GALNT11: variants seen among roughly 807,000 people sequenced by gnomAD.
GALNT11 encodes the protein UDP-GalNAc:polypeptide N-acetylgalactosaminyltransferase 11.
In GALNT11, 47 loss-of-function variants were observed where a neutral mutation model predicts 72.7. The ratio of observed to expected loss-of-function variants is 0.65; its 90% CI spans 0.51 to 0.82. The LOEUF (loss-of-function observed/expected upper bound fraction) is 0.82. GALNT11 is among the 40% of genes least tolerant of loss of function. The pLI is 0.00. For missense variants in GALNT11, 677 were observed against 778.4 expected, an observed-to-expected ratio of 0.87 and a Z score of 1.55; for synonymous variants, 270 against 286.6, an observed-to-expected ratio of 0.94 and a Z score of 0.58.
At chr7:152,060,327 T>G (rs1350698483) in intron 1 of GALNT11, among the ~76,000 whole-genome samples, 3 of 152,210 alleles carry the variant, frequency 2.0e-5, no homozygotes, top group African/African-American at 7.2e-5. Flanking sequence ...CACTTTCTTA[T>G]TCCTGTGTTC....
At chr7:152,109,410 A>G (rs2087941075) in intron 6 of GALNT11, among the ~76,000 whole-genome samples, 1 of 152,160 alleles carries the variant, frequency 6.6e-6, no homozygotes, top group Non-Finnish European at 1.5e-5. Flanking sequence ...TTCCCTTAAG[A>G]TAATCTCTTT....
intron 9 of GALNT11, 177 bp downstream of exon 9, chr7:152,117,552 C>A: frequency 1.5e-6 from 1 of 649,170 alleles, no homozygotes; most frequent in Non-Finnish European, 2.6e-6. Flanking sequence ...TGTAGGACCT[C>A]AAGTGTAGAT....
chr7:152,101,449 A>G (rs888587940), intron 3 of GALNT11, among the ~76,000 whole-genome samples: 2 of 152,080 alleles, frequency 1.3e-5, no homozygotes, highest in Admixed American at 6.5e-5. Flanking sequence ...AGGGGAGGCA[A>G]ATAAGTCAAC....
chr7:152,069,639 C>T (rs148880953), intron 1 of GALNT11, among the ~76,000 whole-genome samples: 43 of 152,262 alleles, frequency 2.8e-4, no homozygotes, highest in Admixed American at 1.9e-3. Context: ...CTTGGAGAAC[C>T]GACCTCTTTA....
intron 1 of GALNT11, among the ~76,000 whole-genome samples, chr7:152,066,937 G>A (rs1446260725): frequency 6.6e-6 from 1 of 152,090 alleles, no homozygotes; most frequent in African/African-American, 2.4e-5. Flanking sequence ...ACGTAACACC[G>A]AAACACGAAG....
At chr7:152,106,120 A>G (rs2087526055) in intron 5 of GALNT11, among the ~76,000 whole-genome samples, 1 of 152,240 alleles carries the variant, frequency 6.6e-6, no homozygotes, top group Admixed American at 6.5e-5. Flanking sequence ...TTTTAAATAA[A>G]TGTAATTAAA....
chr7:152,038,580 C>G (rs1048044193), intron 1 of GALNT11, among the ~76,000 whole-genome samples: 3 of 152,180 alleles, frequency 2.0e-5, no homozygotes, highest in African/African-American at 7.2e-5. Context: ...GTTTTGGGGC[C>G]AGTTTATGGC....
At position 152,101,647 on chromosome 7, in the gene GALNT11, G is replaced by T. The variant is rs1041431930; in HGVS notation, c.419+726G>T. Reference sequence around the variant, plus strand: ...CTAAGTTCATGGCTTTTTTTTGGGGGGGGGGGGATGGAGTCTTTCTCTGTT... The same window carrying T: ...CTAAGTTCATGGCTTTTTTTTGGGGTGGGGGGGATGGAGTCTTTCTCTGTT... On this transcript the variant is annotated intron_variant, in intron 3 of 11. Transcript: ENST00000430044. Among the ~76,000 whole-genome samples the T allele has an allele frequency of 3.6e-3, 532 of 146,610 alleles. 15 individuals are homozygous for T. Among genetic ancestry groups the T allele is most frequent in the African/African-American group, 0.013 (505 of 40,022 alleles).
intron 3 of GALNT11, among the ~76,000 whole-genome samples, chr7:152,101,910 G>A (rs2086955167): frequency 6.6e-6 from 1 of 152,074 alleles, no homozygotes; most frequent in Non-Finnish European, 1.5e-5. Flanking sequence ...GGGATTACAG[G>A]CGTGAGCCAC....
intron 3 of GALNT11, among the ~76,000 whole-genome samples, chr7:152,102,070 A>G (rs2086972854): frequency 6.6e-6 from 1 of 152,156 alleles, no homozygotes; most frequent in Non-Finnish European, 1.5e-5. Flanking sequence ...ATTATTGGGC[A>G]AAAAAATAAA....
intron 4 of GALNT11, chr7:152,103,656 C>A: frequency 5.5e-6 from 1 of 180,746 alleles, no homozygotes; most frequent in Non-Finnish European, 1.2e-5. Context: ...GGTCCAGGGT[C>A]ATTCTGTCAC....
intron 2 of GALNT11, among the ~76,000 whole-genome samples, chr7:152,096,918 C>G (rs752801807): frequency 2.6e-5 from 4 of 152,170 alleles, no homozygotes; most frequent in Non-Finnish European, 4.4e-5. Flanking sequence ...GCCTCAATCT[C>G]CTTGGCTCGT....
intron 1 of GALNT11, among the ~76,000 whole-genome samples, chr7:152,077,916 C>T (rs1226145623): frequency 2.0e-5 from 3 of 151,806 alleles, no homozygotes; most frequent in East Asian, 3.9e-4. Flanking sequence ...AACATTTCAA[C>T]AAGGAACTGG....
chr7:152,091,171 C>G (rs561797447), intron 1 of GALNT11, among the ~76,000 whole-genome samples: 1 of 151,982 alleles, frequency 6.6e-6, no homozygotes, highest in Non-Finnish European at 1.5e-5. Context: ...CCTCAGCCAC[C>G]CAAGTAGCTG....
At chr7:152,026,764 C>T (rs969770975) in intron 1 of GALNT11, among the ~76,000 whole-genome samples, 11 of 152,312 alleles carry the variant, frequency 7.2e-5, no homozygotes, top group African/African-American at 2.2e-4. Context: ...ACCTGGAAGC[C>T]GCCACTTTGA....
intron 1 of GALNT11, among the ~76,000 whole-genome samples, chr7:152,068,312 T>C (rs1434386131): frequency 1.3e-5 from 2 of 152,254 alleles, no homozygotes; most frequent in East Asian, 3.8e-4. Flanking sequence ...CATTTAGCAA[T>C]ATGCATTTCA....
chr7:152,112,463 C>A (rs2088337517), intron 7 of GALNT11, among the ~76,000 whole-genome samples: 1 of 151,888 alleles, frequency 6.6e-6, no homozygotes, highest in South Asian at 2.1e-4. Flanking sequence ...ATCGCTTGAA[C>A]CTGGGAGGCA....
intron 5 of GALNT11, chr7:152,107,734 C>T (rs564093979): frequency 6.0e-5 from 14 of 234,538 alleles, no homozygotes; most frequent in East Asian, 3.4e-4. Flanking sequence ...TGAGTTGTTA[C>T]GGTGAGACTT....
intron 1 of GALNT11, among the ~76,000 whole-genome samples, chr7:152,030,888 C>T (rs1006338834): frequency 6.6e-6 from 1 of 152,200 alleles, no homozygotes; most frequent in African/African-American, 2.4e-5. Flanking sequence ...CTGCTGTTCT[C>T]CCCTCTCCTT....
Sources: allele counts gnomAD v4.1 joint callset (sites outside exome capture counted in the v4.1 genomes callset), GRCh38; gene constraint gnomAD v4.1.1; transcripts MANE v1.5; gene names NCBI Gene and HGNC (gene_info 2026-07-23, HGNC 2026-07-21).